Variants in CTNNA3 observed in about 807,000 individuals in gnomAD.
The protein encoded by CTNNA3 is catenin alpha-3.
A neutral mutation model predicts 95.7 loss-of-function variants in CTNNA3; 76 were observed. The ratio of observed to expected loss-of-function variants is 0.79; its 90% CI spans 0.66 to 0.96. The LOEUF is 0.96. CTNNA3 is among the 40% of genes least tolerant of loss of function. The probability of loss-of-function intolerance (pLI) is 0.00; values close to 1 mark genes in which losing one functional copy is unlikely to be tolerated. For missense variants in CTNNA3, 1,191 were observed against 1,089.8 expected, an observed-to-expected ratio of 1.09 and a Z score of -1.31; for synonymous variants, 431 against 374.4, an observed-to-expected ratio of 1.15 and a Z score of -1.74.
chr10:66,859,652 C>A (rs1843827915), intron 7 of CTNNA3, among the ~76,000 whole-genome samples: 1 of 142,584 alleles, frequency 7.0e-6, no homozygotes, highest in Non-Finnish European at 1.5e-5. Flanking sequence ...GTGACCCAGC[C>A]ATCCCATTAC....
intron 7 of CTNNA3, among the ~76,000 whole-genome samples, chr10:66,819,288 T>A (rs907872093): frequency 3.3e-5 from 5 of 151,980 alleles, no homozygotes; most frequent in African/African-American, 1.2e-4. Flanking sequence ...GATATCCACA[T>A]GCAAAAGAAT....
chr10:66,650,854 G>A (rs1026585272), intron 9 of CTNNA3, among the ~76,000 whole-genome samples: 4 of 152,252 alleles, frequency 2.6e-5, no homozygotes, highest in South Asian at 2.1e-4. Flanking sequence ...TCATAAAGGC[G>A]GTGCAGACCC....
chr10:66,160,128 GT>G (rs1217847521), intron 13 of CTNNA3, among the ~76,000 whole-genome samples: 1 of 151,738 alleles, frequency 6.6e-6, no homozygotes, highest in Non-Finnish European at 1.5e-5. Flanking sequence ...CAAAGGACCC[GT>G]TTTTTGTTTT....
chr10:67,739,512 AACAG>A lies in CTNNA3; in HGVS notation c.-2+23918_-2+23921del, dbSNP rs537598933. Among the ~76,000 whole-genome samples the A allele has an allele frequency of 4.2e-4, 64 of 152,198 alleles. 1 individual carries two copies. The South Asian group carries it at 0.013, about 32-fold the overall frequency. Reference sequence around the variant, plus strand: ...ATCACAAGCATTCTTATACACCAATAACAGACAAACAGAGAGCCAAATCATGAGT... The same window carrying A: ...ATCACAAGCATTCTTATACACCAATAACAAACAGAGAGCCAAATCATGAGT... On this transcript the variant is annotated intron_variant, in intron 1 of 17. Coordinates refer to the CTNNA3 transcript ENST00000684154.
At chr10:66,073,004 G>A (rs1478094934) in intron 14 of CTNNA3, among the ~76,000 whole-genome samples, 1 of 152,114 alleles carries the variant, frequency 6.6e-6, no homozygotes, top group Non-Finnish European at 1.5e-5. Flanking sequence ...AGGAAATTAT[G>A]TTAAGTGAAA....
At chr10:66,473,702 T>C (rs1839218107) in intron 11 of CTNNA3, among the ~76,000 whole-genome samples, 2 of 152,042 alleles carry the variant, frequency 1.3e-5, no homozygotes, top group Non-Finnish European at 2.9e-5. Flanking sequence ...TGTGTGATGT[T>C]CCCCTTCCTG....
upstream of CTNNA3, among the ~76,000 whole-genome samples, chr10:67,700,266 G>C (rs948390206): frequency 3.9e-5 from 6 of 152,212 alleles, no homozygotes; most frequent in Non-Finnish European, 5.9e-5. Context: ...GCTTTGAAGA[G>C]AGCAGTGGTT....
chr10:66,781,923 T>C (rs1180288216), intron 7 of CTNNA3, among the ~76,000 whole-genome samples: 2 of 152,130 alleles, frequency 1.3e-5, no homozygotes, highest in African/African-American at 4.8e-5. Context: ...ACACAGTAAA[T>C]TGTGTGTCAG....
At chr10:66,216,255 C>T (rs920375109) in intron 13 of CTNNA3, among the ~76,000 whole-genome samples, 4 of 152,154 alleles carry the variant, frequency 2.6e-5, no homozygotes, top group Admixed American at 2.6e-4. Context: ...GTTGGTTATG[C>T]GGGAAGAGAC....
At chr10:66,152,041 G>T (rs1230911897) in intron 13 of CTNNA3, among the ~76,000 whole-genome samples, 1 of 151,830 alleles carries the variant, frequency 6.6e-6, no homozygotes, top group Non-Finnish European at 1.5e-5. Flanking sequence ...AAATCATATT[G>T]TATCTATGCT....
chr10:66,681,574 A>T (rs1847069398), intron 9 of CTNNA3, among the ~76,000 whole-genome samples: 1 of 152,056 alleles, frequency 6.6e-6, no homozygotes, highest in African/African-American at 2.4e-5. Context: ...GTTGGTTACT[A>T]CCTCCCTCTT....
At chr10:66,564,060 C>T (rs143430190) in intron 10 of CTNNA3, among the ~76,000 whole-genome samples, 1 of 152,116 alleles carries the variant, frequency 6.6e-6, no homozygotes, top group Non-Finnish European at 1.5e-5. Context: ...GTGTCAAGGG[C>T]ACCTCCTTAA....
intron 5 of CTNNA3, among the ~76,000 whole-genome samples, chr10:67,456,818 C>T (rs1847190753): frequency 6.6e-6 from 1 of 152,076 alleles, no homozygotes; most frequent in Non-Finnish European, 1.5e-5. Flanking sequence ...GTTCAGAAAA[C>T]TTTTTAACCC....
intron 15 of CTNNA3, among the ~76,000 whole-genome samples, chr10:66,041,871 G>C (rs1401489769): frequency 6.6e-6 from 1 of 152,106 alleles, no homozygotes; most frequent in Non-Finnish European, 1.5e-5. Flanking sequence ...ATAGCTGAAA[G>C]AATATATAAT....
intron 7 of CTNNA3, among the ~76,000 whole-genome samples, chr10:66,943,673 G>T: frequency 6.6e-6 from 1 of 152,112 alleles, no homozygotes; most frequent in South Asian, 2.1e-4. Flanking sequence ...ACATAGTTTT[G>T]TACTTTTGTA....
chr10:66,581,847 T>C (rs1843199632), intron 10 of CTNNA3, among the ~76,000 whole-genome samples: 1 of 151,732 alleles, frequency 6.6e-6, no homozygotes, highest in Non-Finnish European at 1.5e-5. Context: ...GAGACAGAGA[T>C]CCACTGTCTT....
At chr10:67,610,422 A>G (rs957306859) in intron 2 of CTNNA3, among the ~76,000 whole-genome samples, 1 of 152,240 alleles carries the variant, frequency 6.6e-6, no homozygotes, top group Non-Finnish European at 1.5e-5. Context: ...GTTATTTGAT[A>G]TTGATTAAAC....
intron 12 of CTNNA3, among the ~76,000 whole-genome samples, chr10:66,317,348 T>G (rs930819136): frequency 6.6e-6 from 1 of 152,060 alleles, no homozygotes; most frequent in Non-Finnish European, 1.5e-5. Flanking sequence ...TTGGGTTTGT[T>G]TATGATACAG....
intron 11 of CTNNA3, among the ~76,000 whole-genome samples, chr10:66,491,632 T>G (rs1911340): frequency 6.6e-6 from 1 of 152,028 alleles, no homozygotes; most frequent in Non-Finnish European, 1.5e-5. Flanking sequence ...TTTTGGTAAA[T>G]AGACATCCTT....
Sources: allele counts gnomAD v4.1 joint callset (sites outside exome capture counted in the v4.1 genomes callset), GRCh38; gene constraint gnomAD v4.1.1; transcripts MANE v1.5; gene names NCBI Gene and HGNC (gene_info 2026-07-23, HGNC 2026-07-21).